Variants in LARGE1 observed in about 807,000 individuals in gnomAD.
LARGE1 encodes xylosyl- and glucuronyltransferase LARGE1.
LARGE1 carries 43 observed loss-of-function variants against 87.6 expected under a neutral mutation model. The ratio of observed to expected loss-of-function variants is 0.49; its 90% CI spans 0.38 to 0.63. LARGE1 has a LOEUF of 0.63. LARGE1 is among the 30% of genes least tolerant of loss of function. The pLI is 0.00. For missense variants in LARGE1, 802 were observed against 1,000.2 expected (o/e 0.80, Z 2.67); for synonymous variants, 434 against 394.6 (o/e 1.10, Z -1.18).
At chr22:33,777,393 T>C (rs1440343872) in intron 1 of LARGE1, among the ~76,000 whole-genome samples, 2 of 152,050 alleles carry the variant, frequency 1.3e-5, no homozygotes, top group African/African-American at 4.8e-5. Context: ...ATCCCAGCAC[T>C]TCGGGAGGCT....
the LARGE1 span, among the ~76,000 whole-genome samples, chr22:33,149,207 T>A: frequency 8.4e-6 from 1 of 119,312 alleles, no homozygotes; most frequent in African/African-American, 2.8e-5. Context: ...CGGCTAATTA[T>A]TTTTTTAATA....
At chr22:33,805,456 G>A (rs1294465363) in intron 1 of LARGE1, among the ~76,000 whole-genome samples, 1 of 152,044 alleles carries the variant, frequency 6.6e-6, no homozygotes, top group African/African-American at 2.4e-5. Context: ...AACCCTGGTC[G>A]GGCACGGTGG....
At chr22:33,708,174 C>T (rs549092290) in intron 2 of LARGE1, among the ~76,000 whole-genome samples, 46 of 151,108 alleles carry the variant, frequency 3.0e-4, no homozygotes, top group Non-Finnish European at 4.1e-4. Context: ...TTCAACCAAG[C>T]TTGGCACTGT....
At chr22:33,722,278 A>AG (rs1314504438) in intron 2 of LARGE1, among the ~76,000 whole-genome samples, 84 of 115,032 alleles carry the variant, frequency 7.3e-4, no homozygotes, top group Non-Finnish European at 1.1e-3. Context: ...AGGGAGAGGG[A>AG]GAGGAGGGAG....
At chr22:33,089,336 C>CTTCTTCTTCTTG in the LARGE1 span, among the ~76,000 whole-genome samples, 1 of 74,620 alleles carries the variant, frequency 1.3e-5, no homozygotes, top group Non-Finnish European at 2.4e-5. Context: ...TCTTCTTCTT[C>CTTCTTCTTCTTG]TTCTTCTTCT....
At chr22:33,555,529 G>A (rs1488269048) in intron 6 of LARGE1, among the ~76,000 whole-genome samples, 2 of 152,166 alleles carry the variant, frequency 1.3e-5, no homozygotes, top group Admixed American at 1.3e-4. Flanking sequence ...TCGAAGGGCT[G>A]GGATTATGGT....
At chr22:33,612,863 G>A (rs555040546) in intron 4 of LARGE1, among the ~76,000 whole-genome samples, 3 of 152,162 alleles carry the variant, frequency 2.0e-5, no homozygotes, top group Non-Finnish European at 4.4e-5. Flanking sequence ...CCAGTGTGGG[G>A]TAAGAGGAGC....
intron 1 of LARGE1, among the ~76,000 whole-genome samples, chr22:33,904,097 C>A (rs1215321807): frequency 2.0e-5 from 3 of 152,152 alleles, no homozygotes; most frequent in East Asian, 3.9e-4. Context: ...ACTCCTTCCC[C>A]ACTCTTCAAG....
intron 12 of LARGE1, among the ~76,000 whole-genome samples, chr22:33,285,040 T>C (rs925043258): frequency 3.3e-5 from 5 of 152,214 alleles, no homozygotes; most frequent in Non-Finnish European, 1.5e-5. Flanking sequence ...AAGGTCGTCA[T>C]ATACTGCCAC....
intron 7 of LARGE1, among the ~76,000 whole-genome samples, chr22:33,428,929 C>CAA (rs113271121): frequency 0.43 from 45,203 of 105,316 alleles, 9,658 homozygotes; most frequent in Admixed American, 0.49. Context: ...GACTCTGTCT[C>CAA]AAAAAAAAAG....
chr22:33,548,727 T>C (rs1175738671), intron 6 of LARGE1, among the ~76,000 whole-genome samples: 1 of 152,226 alleles, frequency 6.6e-6, no homozygotes, highest in Non-Finnish European at 1.5e-5. Context: ...GGTATTTCTT[T>C]ACAGCAGTGT....
chr22:33,460,404 G>C (rs1411567049), intron 6 of LARGE1, among the ~76,000 whole-genome samples: 1 of 152,044 alleles, frequency 6.6e-6, no homozygotes, highest in East Asian at 1.9e-4. Context: ...GAGCTTCCTG[G>C]GTAGTTTGGT....
rs115424323 is a variant in LARGE1 at position 33,585,855 on chromosome 22, C to G, written c.615+18580G>C. 4.3e-3 allele frequency among the ~76,000 whole-genome samples: 656 copies of G among 152,122 alleles called. 1 individual carries two copies. The highest frequency in any genetic ancestry group is 0.015 in the African/African-American group (624 of 41,530). On this transcript the variant is annotated intron_variant, in intron 5 of 14. Transcript: ENST00000397394. The stretch of plus-strand genomic sequence containing the variant: ...CCATTAGGTTCCTTTATGCTCACCA[C>G]GCCCGGCTAATTTTTGTATTTTTAG...
chr22:33,776,626 C>T (rs1248792221), intron 1 of LARGE1, among the ~76,000 whole-genome samples: 9 of 152,116 alleles, frequency 5.9e-5, no homozygotes, highest in Non-Finnish European at 8.8e-5. Flanking sequence ...AAACGGACGA[C>T]GTAAGCAGGC....
intron 9 of LARGE1, among the ~76,000 whole-genome samples, chr22:33,364,441 T>C (rs911562956): frequency 6.6e-6 from 1 of 152,190 alleles, no homozygotes; most frequent in Middle Eastern, 3.2e-3. Flanking sequence ...CTAATTGCTG[T>C]TTTTTATGTT....
intron 1 of LARGE1, among the ~76,000 whole-genome samples, chr22:33,901,977 A>G (rs2065294817): frequency 6.6e-6 from 1 of 152,218 alleles, no homozygotes. Flanking sequence ...ACAGAGACAG[A>G]CCAGACAATG....
At chr22:33,393,150 A>G (rs2065593166) in intron 7 of LARGE1, among the ~76,000 whole-genome samples, 1 of 152,258 alleles carries the variant, frequency 6.6e-6, no homozygotes, top group African/African-American at 2.4e-5. Context: ...TAATCATCAT[A>G]TTGATATGAG....
chr22:33,368,296 C>T (rs562433240), intron 9 of LARGE1, among the ~76,000 whole-genome samples: 97 of 151,992 alleles, frequency 6.4e-4, no homozygotes, highest in African/African-American at 2.0e-3. Flanking sequence ...TTTGGGAGGC[C>T]GAGGTGGGAG....
chr22:33,142,624 T>C, the LARGE1 span, among the ~76,000 whole-genome samples: 1 of 152,062 alleles, frequency 6.6e-6, no homozygotes, highest in East Asian at 1.9e-4. Flanking sequence ...CCACAGGCTG[T>C]CCTTCCTGAG....
Sources: gnomAD v4.1 joint callset for allele counts (sites outside exome capture counted in the v4.1 genomes callset) on GRCh38, gnomAD v4.1.1 for gene constraint, MANE v1.5 for transcripts, NCBI Gene and HGNC (gene_info 2026-07-23, HGNC 2026-07-21) for gene names.